CCDC85A: variants seen among roughly 807,000 people sequenced by gnomAD.
The protein encoded by CCDC85A is coiled-coil domain-containing protein 85A.
Under a neutral mutation model 50.2 loss-of-function variants are expected in CCDC85A, and 38 were observed. The observed-to-expected ratio is 0.76, with a 90% CI of 0.58 to 0.99. CCDC85A has a LOEUF of 0.99. CCDC85A is among the 50% of genes least tolerant of loss of function. CCDC85A has a pLI of 0.00. For synonymous variants in CCDC85A, 366 were observed against 301.4 expected (o/e 1.21, Z -2.22); for missense variants, 820 against 742.0 (o/e 1.11, Z -1.22).
intron 2 of CCDC85A, among the ~76,000 whole-genome samples, chr2:56,325,205 C>T (rs1418487407): frequency 6.6e-6 from 1 of 151,808 alleles, no homozygotes; most frequent in Non-Finnish European, 1.5e-5. Flanking sequence ...CATTTATGGC[C>T]AGCATGAATT....
chr2:56,242,115 A>G (rs923099507), intron 2 of CCDC85A, among the ~76,000 whole-genome samples: 1 of 152,048 alleles, frequency 6.6e-6, no homozygotes, highest in Non-Finnish European at 1.5e-5. Flanking sequence ...CCTATTTTCC[A>G]ATTGTATGTT....
At chr2:56,205,894 G>T (rs1224182708) in intron 2 of CCDC85A, among the ~76,000 whole-genome samples, 1 of 152,164 alleles carries the variant, frequency 6.6e-6, no homozygotes, top group African/African-American at 2.4e-5. Context: ...TTAGCAATTG[G>T]TGCTGTGAGC....
Position 56,332,635 on chromosome 2 carries a change from C to T in CCDC85A, c.1241-10244C>T, listed in dbSNP as rs150750624. On this transcript the variant is annotated intron_variant, in intron 2 of 5. Coordinates refer to ENST00000407595, the MANE Select transcript of CCDC85A (RefSeq NM_001080433.2). ...TCTCCCTTTTTCTGTCTCTCACTGTCTGTCTCTGTCTCTCTATCTCTCTCT... is the reference window on the plus strand; with the variant it reads ...TCTCCCTTTTTCTGTCTCTCACTGTTTGTCTCTGTCTCTCTATCTCTCTCT... 9.9e-5 allele frequency among the ~76,000 whole-genome samples: 15 copies of T among 152,132 alleles called. No individual in the cohort carries two copies. The East Asian group carries it at 2.9e-3, about 29-fold the overall frequency.
intron 2 of CCDC85A, among the ~76,000 whole-genome samples, chr2:56,286,605 C>T (rs1671456229): frequency 6.6e-6 from 1 of 152,058 alleles, no homozygotes; most frequent in South Asian, 2.1e-4. Context: ...TCCATATGTT[C>T]ATTTATATGT....
intron 2 of CCDC85A, among the ~76,000 whole-genome samples, chr2:56,295,264 C>G (rs1402490300): frequency 6.6e-6 from 1 of 152,090 alleles, no homozygotes; most frequent in Non-Finnish European, 1.5e-5. Context: ...CAAGTATTTA[C>G]TTTTTGCTCA....
chr2:56,326,625 A>G (rs1452673987), intron 2 of CCDC85A, among the ~76,000 whole-genome samples: 1 of 152,196 alleles, frequency 6.6e-6, no homozygotes, highest in African/African-American at 2.4e-5. Context: ...GCTGGATTTA[A>G]GAGGACTCTT....
intron 2 of CCDC85A, among the ~76,000 whole-genome samples, chr2:56,247,633 T>C (rs1669569117): frequency 6.6e-6 from 1 of 152,176 alleles, no homozygotes; most frequent in Non-Finnish European, 1.5e-5. Flanking sequence ...AGGCAACTGA[T>C]AAAAGTGGCT....
chr2:56,293,542 A>G (rs1485800929), intron 2 of CCDC85A, among the ~76,000 whole-genome samples: 3 of 152,204 alleles, frequency 2.0e-5, no homozygotes, highest in South Asian at 4.1e-4. Flanking sequence ...TGAACAGGCA[A>G]CCTACAGAAT....
chr2:56,270,315 A>T (rs367641999), intron 2 of CCDC85A, among the ~76,000 whole-genome samples: 4 of 152,230 alleles, frequency 2.6e-5, no homozygotes, highest in African/African-American at 7.2e-5. Context: ...AAAAAGAAAA[A>T]AATATGCTAG....
intron 3 of CCDC85A, among the ~76,000 whole-genome samples, chr2:56,346,373 T>C (rs1190665864): frequency 6.6e-6 from 1 of 152,196 alleles, no homozygotes; most frequent in Non-Finnish European, 1.5e-5. Flanking sequence ...CCATGTTTTA[T>C]ACATATACAA....
At chr2:56,373,767 C>T (rs186337324) in intron 4 of CCDC85A, among the ~76,000 whole-genome samples, 23 of 152,158 alleles carry the variant, frequency 1.5e-4, no homozygotes, top group Admixed American at 5.2e-4. Flanking sequence ...GAGTTTGAAG[C>T]GAATTCTGTA....
intron 2 of CCDC85A, among the ~76,000 whole-genome samples, chr2:56,209,214 G>T (rs1677085930): frequency 6.6e-6 from 1 of 152,124 alleles, no homozygotes; most frequent in Non-Finnish European, 1.5e-5. Flanking sequence ...TTCACAGAAA[G>T]TAAATAGAAT....
chr2:56,210,665 C>T lies in CCDC85A; in HGVS notation c.1240+17225C>T, dbSNP rs187818601. 1.4e-4 allele frequency among the ~76,000 whole-genome samples: 22 copies of T among 151,948 alleles called. No individual in the cohort carries two copies. The East Asian group carries it at 3.1e-3, about 22-fold the overall frequency. ...GGCTTGGAGTTCCTTGAGCATCCCC[C>T]GAATTTCGGTGCAGATTCCAGAATT... On this transcript the variant is annotated intron_variant, in intron 2 of 5. Coordinates refer to ENST00000407595, the MANE Select transcript of CCDC85A (RefSeq NM_001080433.2).
chr2:56,343,664 C>T (rs988405788), intron 3 of CCDC85A, among the ~76,000 whole-genome samples: 1 of 152,052 alleles, frequency 6.6e-6, no homozygotes, highest in African/African-American at 2.4e-5. Flanking sequence ...GGTTGGTTTC[C>T]TTTTCAAGCA....
chr2:56,356,595 A>G (rs774467556), intron 3 of CCDC85A, among the ~76,000 whole-genome samples: 1 of 151,926 alleles, frequency 6.6e-6, no homozygotes, highest in Non-Finnish European at 1.5e-5. Flanking sequence ...TTAGCCAGGC[A>G]TGGTGGCAGA....
intron 1 of CCDC85A, among the ~76,000 whole-genome samples, chr2:56,191,978 G>C (rs919858686): frequency 3.9e-5 from 6 of 152,092 alleles, no homozygotes; most frequent in Non-Finnish European, 7.4e-5. Context: ...GGTGAGGCAG[G>C]GGAGCCTTGT....
intron 3 of CCDC85A, among the ~76,000 whole-genome samples, chr2:56,361,824 C>A (rs1165490908): frequency 7.2e-5 from 11 of 152,162 alleles, no homozygotes; most frequent in Non-Finnish European, 1.0e-4. Context: ...GATGTGATAT[C>A]ATTAATTCAC....
intron 2 of CCDC85A, among the ~76,000 whole-genome samples, chr2:56,203,583 A>G (rs1676833402): frequency 6.6e-6 from 1 of 152,188 alleles, no homozygotes; most frequent in African/African-American, 2.4e-5. Context: ...ACAGCCAGGT[A>G]TACAAAAGAC....
intron 3 of CCDC85A, among the ~76,000 whole-genome samples, chr2:56,353,969 A>G (rs1412192055): frequency 1.3e-5 from 2 of 152,174 alleles, no homozygotes; most frequent in Non-Finnish European, 2.9e-5. Context: ...TGAAGTTAGG[A>G]TATTCTCACC....
Sources: gnomAD v4.1 joint callset for allele counts (sites outside exome capture counted in the v4.1 genomes callset) on GRCh38, gnomAD v4.1.1 for gene constraint, MANE v1.5 for transcripts, NCBI Gene and HGNC (gene_info 2026-07-23, HGNC 2026-07-21) for gene names.